The following HMGCS1 variants were observed in gnomAD, a reference collection of about 807,000 sequenced individuals.
HMGCS1 encodes 3-hydroxy-3-methylglutaryl-CoA synthase 1.
In HMGCS1, 9 loss-of-function variants were observed where a neutral mutation model predicts 52.3. The observed-to-expected ratio is 0.17, with a 90% CI of 0.10 to 0.30. HMGCS1 has a LOEUF of 0.30. HMGCS1 is among the 10% of genes least tolerant of loss of function. HMGCS1 has a pLI of 1.00. For missense variants in HMGCS1, 320 were observed against 620.9 expected (o/e 0.52, Z 5.15); for synonymous variants, 176 against 214.4 (o/e 0.82, Z 1.57).
In HMGCS1 at chr5:43,292,548, C is replaced by T. The variant is rs751491785; in HGVS notation, c.1399G>A (p.Ala467Thr). 9 of 1,613,804 alleles carry T rather than the reference C, an allele frequency of 5.6e-6. No individual in the cohort carries two copies. The South Asian group carries it at 7.7e-5, about 14-fold the overall frequency. The stretch of plus-strand genomic sequence containing the variant: ...TCATCATTTGGAGTGGGACGCCGAG[C>T]GTAAGTTCTTCTGTGCTTTTCATCC... ...RVDEKHRRTY[A>T]RRPTPNDDTL... is the part of the protein sequence containing the mutation. Residue 467 changes from alanine to threonine, a missense_variant, in exon 10 of 11, where the codon GCT (alanine) becomes ACT (threonine). Coordinates refer to ENST00000325110, the MANE Select transcript of HMGCS1 (RefSeq NM_001098272.3).
chr5:43,306,215 T>C (rs1754567850), intron 2 of HMGCS1, among the ~76,000 whole-genome samples: 1 of 152,208 alleles, frequency 6.6e-6, no homozygotes, highest in Admixed American at 6.5e-5. Flanking sequence ...CTTGTTAATG[T>C]TTTCTGAATG....
chr5:43,293,040 T>C (rs1016681415), intron 8 of HMGCS1, 67 bp from the exon 9 acceptor site: 1 of 1,383,332 alleles, frequency 7.2e-7, no homozygotes, highest in Middle Eastern at 1.9e-4. Flanking sequence ...GAAGCCTAAG[T>C]AAAATGTTGC....
chr5:43,311,276 C>A (rs936390375), intron 1 of HMGCS1, among the ~76,000 whole-genome samples: 2 of 147,696 alleles, frequency 1.4e-5, no homozygotes, highest in African/African-American at 5.0e-5. Flanking sequence ...GCCGAGATCA[C>A]GCTGCTGCAC....
intron 1 of HMGCS1, among the ~76,000 whole-genome samples, chr5:43,311,519 T>A (rs183644619): frequency 6.6e-6 from 1 of 152,320 alleles, no homozygotes; most frequent in East Asian, 1.9e-4. Flanking sequence ...GATTCTGATA[T>A]GTAGCAAAAC....
In HMGCS1 at chr5:43,287,586, TCTC is replaced by T. The variant is rs1753554834; in HGVS notation, c.*3542_*3544del. 6.6e-6 allele frequency: 1 copy of T among 152,090 alleles called. No individual in the cohort carries two copies. The highest frequency in any genetic ancestry group is 2.4e-5 in the African/African-American group (1 of 41,390). The allele number at this position is 152,090 out of a possible 1,614,324, so 9.4% of individuals were successfully genotyped here. ...GTTATTGCCAAACCCGCCACAGAAGTCTCCTCCTCTTTTGAGGAGACTTACGAA... is the reference window on the plus strand; with the variant it reads ...GTTATTGCCAAACCCGCCACAGAAGTCTCCTCTTTTGAGGAGACTTACGAA... On this transcript the variant is annotated 3_prime_UTR_variant, in exon 11 of 11. Transcript: ENST00000325110.
chr5:43,308,588 T>G (rs10941622), intron 1 of HMGCS1, among the ~76,000 whole-genome samples: 2 of 152,006 alleles, frequency 1.3e-5, no homozygotes, highest in Non-Finnish European at 2.9e-5. Context: ...AACATTATTA[T>G]GTAAATTAAG....
In HMGCS1 at chr5:43,290,424, C is replaced by G. The variant is rs1445245970; in HGVS notation, c.*707G>C. On this transcript the variant is annotated 3_prime_UTR_variant, in exon 11 of 11. Transcript: ENST00000325110. ...ACAGCTCCTGAATGTACCATGTTTT[C>G]TATACCAGAAGCCTCTTCAATGGCA... The G allele has an allele frequency of 2.6e-5, 4 of 152,204 alleles. No homozygotes were observed. The East Asian group carries it at 7.7e-4, about 29-fold the overall frequency. 9.4% of individuals were successfully genotyped at this position (152,204 alleles called of 1,614,324 possible). A position where few individuals can be genotyped will look rare whatever the true frequency, so the allele number is the denominator to read the frequency against.
intron 5 of HMGCS1, 92 bp from the exon 6 acceptor site, chr5:43,296,009 GT>G: frequency 1.1e-6 from 1 of 873,876 alleles, no homozygotes; most frequent in Non-Finnish European, 1.8e-6. Context: ...ATTTGTATAT[GT>G]TTAAACAGCA....
chr5:43,297,087 T>C lies in HMGCS1; in HGVS notation c.654A>G (p.Gly218=), dbSNP rs1335155337. The change falls in exon 5 of 11, where the codon GGA becomes GGG. Residue 218 remains glycine (G), a synonymous_variant. Transcript: ENST00000325110. ...TGAGGTAGCACTGTATGGAGAGTTT[T>C]CCATCTACTATAGGATATTCAGATA... is the stretch of plus-strand genomic sequence containing the variant. ...DMLSEYPIVD[G]KLSIQCYLSA... 1 of 1,613,616 alleles carries C rather than the reference T, an allele frequency of 6.2e-7. No individual in the cohort carries two copies. The highest frequency in any genetic ancestry group is 2.2e-5 in the East Asian group (1 of 44,870).
rs749779783 is a variant in HMGCS1 at position 43,288,912 on chromosome 5, T to C, written c.*2219A>G. Reference sequence around the variant, plus strand: ...ACTGCCAATGCAGGGATTCCTTCTATAAAACCCCTGGGGATCACTAGCAAC... The same window carrying C: ...ACTGCCAATGCAGGGATTCCTTCTACAAAACCCCTGGGGATCACTAGCAAC... On this transcript the variant is annotated 3_prime_UTR_variant, in exon 11 of 11. Coordinates refer to ENST00000325110, the MANE Select transcript of HMGCS1 (RefSeq NM_001098272.3). The C allele has an allele frequency of 6.6e-6, 1 of 152,150 alleles. No individual in the cohort carries two copies. Among genetic ancestry groups the C allele is most frequent in the Non-Finnish European group, 1.5e-5 (1 of 68,012 alleles). The allele number at this position is 152,150 out of a possible 1,614,324, so 9.4% of individuals were successfully genotyped here.
At chr5:43,292,191 C>T (rs941009998) in intron 10 of HMGCS1, among the ~76,000 whole-genome samples, 5 of 151,914 alleles carry the variant, frequency 3.3e-5, no homozygotes, top group African/African-American at 1.2e-4. Flanking sequence ...CAGGGTTTCA[C>T]CATGTTGGAC....
At chr5:43,294,253 TATAA>T in intron 7 of HMGCS1, 91 bp from the exon 8 acceptor site, 2 of 736,294 alleles carry the variant, frequency 2.7e-6, no homozygotes, top group South Asian at 1.6e-5. Context: ...AAATTTAGGC[TATAA>T]GTAAAAGTAG....
In HMGCS1 at chr5:43,292,485, T is replaced by C. The variant is rs538325812; in HGVS notation, c.1462A>G (p.Ile488Val). The C allele has an allele frequency of 3.7e-6, 6 of 1,613,816 alleles. No homozygotes were observed. In the African/African-American group the frequency reaches 5.3e-5, roughly 14 times the overall value. The change falls in exon 10 of 11, where the codon ATA becomes GTA. Residue 488 changes from isoleucine (I) to valine (V), a missense_variant. Around this residue, in one of 3 missense-constraint regions of HMGCS1, gnomAD observed 213 missense variants for 337.4 expected, o/e 0.63. Coordinates refer to ENST00000325110, the MANE Select transcript of HMGCS1 (RefSeq NM_001098272.3). ...ACTCTTTTATTTACCTCAGTTGCTA[T>C]GTTTGAATGCACAAGTCCTACTCCT... ...DEGVGLVHSN[I>V]ATEHIPSPAK...
intron 1 of HMGCS1, chr5:43,312,997 C>A: frequency 6.5e-6 from 1 of 154,730 alleles, no homozygotes; most frequent in Non-Finnish European, 1.4e-5. Context: ...TGTCTTCTCT[C>A]CCCCTCCTGA....
intron 2 of HMGCS1, among the ~76,000 whole-genome samples, chr5:43,303,833 C>T (rs755843458): frequency 2.6e-5 from 4 of 152,188 alleles, no homozygotes; most frequent in Non-Finnish European, 5.9e-5. Flanking sequence ...GAGGCTCATT[C>T]TTGTTAAGAC....
Position 43,308,283 on chromosome 5 carries a change from G to T in HMGCS1, c.-69-459C>A, listed in dbSNP as rs377097962. Among the ~76,000 whole-genome samples, 8 of 152,188 alleles carry T rather than the reference G, an allele frequency of 5.3e-5. No individual in the cohort carries two copies. In the South Asian group the frequency reaches 1.7e-3, roughly 32 times the overall value. On this transcript the variant is annotated intron_variant, in intron 1 of 10. Transcript: ENST00000325110. ...GCTTTGGCAGCAATTCTGGACCTCA[G>T]TTTCCTCATCTATAAAATGAAGCTA...
intron 1 of HMGCS1, among the ~76,000 whole-genome samples, chr5:43,311,437 T>C (rs1237716955): frequency 2.6e-5 from 4 of 152,168 alleles, no homozygotes; most frequent in South Asian, 2.1e-4. Context: ...CATCCTTCTA[T>C]GATATTTGGT....
rs560611816 is a variant in HMGCS1, at chr5:43,295,984, GA to G, written c.740-68del. The G allele has an allele frequency of 2.0e-4, 243 of 1,192,786 alleles. 1 individual carries two copies. The East Asian group carries it at 4.9e-3, about 24-fold the overall frequency. The allele number at this position is 1,192,786 out of a possible 1,614,324, so 73.9% of individuals were successfully genotyped here. ...CATGAAATTTTAAAGTTTGACTTTA[GA>G]ATAAAGCTAGGATATTTGTATATGT... On this transcript the variant is annotated intron_variant, in intron 5 of 10. Transcript: ENST00000325110.
At chr5:43,296,444 C>A (rs541785361) in intron 5 of HMGCS1, among the ~76,000 whole-genome samples, 1 of 152,116 alleles carries the variant, frequency 6.6e-6, no homozygotes, top group Non-Finnish European at 1.5e-5. Context: ...TTTTTAACCC[C>A]TTCTCATAAC....
Sources: allele counts gnomAD v4.1 joint callset (sites outside exome capture counted in the v4.1 genomes callset), GRCh38; gene constraint gnomAD v4.1.1; regional missense constraint gnomAD v4.1.1; transcripts MANE v1.5; gene names NCBI Gene and HGNC (gene_info 2026-07-23, HGNC 2026-07-21).